EPHA6: variants seen among roughly 807,000 people sequenced by gnomAD.
EPHA6 encodes EPH receptor A6.
Under a neutral mutation model 112.0 loss-of-function variants are expected in EPHA6, and 50 were observed. The observed-to-expected ratio is 0.45, with a 90% CI of 0.36 to 0.56. The LOEUF (loss-of-function observed/expected upper bound fraction) is 0.56. Ranked by LOEUF, EPHA6 falls within the 20% of genes least tolerant of loss-of-function variation. The pLI is 0.00. For synonymous variants in EPHA6, 529 were observed against 490.7 expected (o/e 1.08, Z -1.03); for missense variants, 1,280 against 1,417.4 (o/e 0.90, Z 1.56).
At chr3:97,343,204 A>G (rs1033861057) in intron 5 of EPHA6, among the ~76,000 whole-genome samples, 3 of 152,216 alleles carry the variant, frequency 2.0e-5, no homozygotes, top group African/African-American at 7.2e-5. Context: ...ATTCTGATGA[A>G]GTCTCAAACA....
intron 5 of EPHA6, among the ~76,000 whole-genome samples, chr3:97,263,436 T>TACACACACACACACAC (rs34479594): frequency 7.0e-5 from 10 of 142,302 alleles, no homozygotes; most frequent in East Asian, 4.1e-4. Flanking sequence ...ATTAAAGGGA[T>TACACACACACACACAC]ACACACACAC....
At chr3:96,840,327 T>A (rs1169237764) in intron 1 of EPHA6, among the ~76,000 whole-genome samples, 1 of 152,130 alleles carries the variant, frequency 6.6e-6, no homozygotes, top group African/African-American at 2.4e-5. Flanking sequence ...CTGTTATTTA[T>A]CTGTAATCTT....
chr3:97,465,228 T>TA (rs1202708919), intron 7 of EPHA6, among the ~76,000 whole-genome samples: 2 of 152,122 alleles, frequency 1.3e-5, no homozygotes, highest in African/African-American at 4.8e-5. Flanking sequence ...CTTCATTTTT[T>TA]ACTTAACTCA....
rs561261795 is a variant in EPHA6 at position 96,931,707 on chromosome 3, TCAGA to T, written c.451-55619_451-55616del. Among the ~76,000 whole-genome samples, 13 of 152,326 alleles carry T rather than the reference TCAGA, an allele frequency of 8.5e-5. No individual in the cohort carries two copies. In the East Asian group the frequency reaches 2.5e-3, roughly 30 times the overall value. ...TTTCCCCTGGGAGCTCCTTCCCCTC[TCAGA>T]CAGGCTCCACCCTGTCGCCATTGGC... On this transcript the variant is annotated intron_variant, in intron 2 of 17. Coordinates refer to ENST00000389672, the MANE Select transcript of EPHA6 (RefSeq NM_001080448.3).
At chr3:96,962,116 TAC>T (rs1030108976) in intron 2 of EPHA6, among the ~76,000 whole-genome samples, 6 of 151,490 alleles carry the variant, frequency 4.0e-5, no homozygotes, top group African/African-American at 1.5e-4. Context: ...ACCTGATGTG[TAC>T]ACAGACAGAG....
chr3:97,273,542 C>T (rs961965506), intron 5 of EPHA6, among the ~76,000 whole-genome samples: 3 of 152,126 alleles, frequency 2.0e-5, no homozygotes, highest in African/African-American at 4.8e-5. Context: ...ATTCCGAGGA[C>T]GGGCCTGAAT....
Position 96,968,105 on chromosome 3 carries a change from G to A in EPHA6, c.451-19225G>A, listed in dbSNP as rs1211209046. Among the ~76,000 whole-genome samples the A allele has an allele frequency of 3.3e-5, 5 of 151,300 alleles. No individual in the cohort carries two copies. In the South Asian group the frequency reaches 1.0e-3, roughly 31 times the overall value. On this transcript the variant is annotated intron_variant, in intron 2 of 17. Transcript: ENST00000389672. ...ATGTAGTTTTTCTATTTTATCGGGT[G>A]TATATAATTATTTATTTTCTATTAA...
At chr3:97,326,241 A>T (rs1374975844) in intron 5 of EPHA6, among the ~76,000 whole-genome samples, 2 of 152,006 alleles carry the variant, frequency 1.3e-5, no homozygotes, top group Non-Finnish European at 1.5e-5. Flanking sequence ...AATCCCCTTA[A>T]TAATATCAGT....
At chr3:97,047,377 G>A (rs1304909887) in intron 3 of EPHA6, among the ~76,000 whole-genome samples, 1 of 151,624 alleles carries the variant, frequency 6.6e-6, no homozygotes, top group Non-Finnish European at 1.5e-5. Flanking sequence ...GTGGGCACCT[G>A]TGGTCCCACC....
At chr3:97,707,569 G>T (rs1311265559) in intron 14 of EPHA6, among the ~76,000 whole-genome samples, 3 of 152,218 alleles carry the variant, frequency 2.0e-5, no homozygotes, top group East Asian at 1.9e-4. Context: ...AAGAATAAAG[G>T]TTTGTATAAA....
At chr3:97,746,524 A>AGG (rs2035721861) in intron 16 of EPHA6, among the ~76,000 whole-genome samples, 1 of 151,814 alleles carries the variant, frequency 6.6e-6, no homozygotes, top group Non-Finnish European at 1.5e-5. Context: ...AGAATTTATA[A>AGG]GATTAATTCT....
rs573810787 is a variant in EPHA6 at position 97,390,181 on chromosome 3, T to C, written c.1607-14969T>C. On this transcript the variant is annotated intron_variant, in intron 5 of 17. Coordinates refer to ENST00000389672, the MANE Select transcript of EPHA6 (RefSeq NM_001080448.3). ...CAAAGACTACGTCCATTAAGGAAGA[T>C]TCAAGATTTATTTCTATGGGCTTGA... Among the ~76,000 whole-genome samples, 8 of 152,246 alleles carry C rather than the reference T, an allele frequency of 5.3e-5. No homozygotes were observed. In the South Asian group the frequency reaches 1.7e-3, roughly 32 times the overall value.
At chr3:97,612,038 T>TACACTGCAC (rs758417651) in intron 13 of EPHA6, among the ~76,000 whole-genome samples, 7 of 152,054 alleles carry the variant, frequency 4.6e-5, no homozygotes, top group Non-Finnish European at 7.4e-5. Context: ...GTGCAGTGTA[T>TACACTGCAC]ACTCTCAACC....
chr3:97,733,818 T>C (rs1402220326), intron 15 of EPHA6, among the ~76,000 whole-genome samples: 1 of 152,020 alleles, frequency 6.6e-6, no homozygotes, highest in Non-Finnish European at 1.5e-5. Context: ...AGTAAAAACA[T>C]TGAAGTCCAA....
intron 3 of EPHA6, among the ~76,000 whole-genome samples, chr3:97,141,179 G>T (rs2108352224): frequency 6.6e-6 from 1 of 152,162 alleles, no homozygotes; most frequent in East Asian, 1.9e-4. Context: ...GGAGCACACA[G>T]ATTTATAAAA....
intron 6 of EPHA6, among the ~76,000 whole-genome samples, chr3:97,436,639 T>A (rs1030421618): frequency 9.9e-5 from 15 of 152,186 alleles, no homozygotes; most frequent in Admixed American, 4.6e-4. Flanking sequence ...ATACTGTTTT[T>A]CAGTGAAGAC....
intron 3 of EPHA6, among the ~76,000 whole-genome samples, chr3:97,154,330 T>G (rs970455303): frequency 2.0e-5 from 3 of 152,204 alleles, no homozygotes; most frequent in Non-Finnish European, 2.9e-5. Context: ...TATGTACCCT[T>G]TAAAATTTGT....
intron 1 of EPHA6, among the ~76,000 whole-genome samples, chr3:96,817,962 ACCT>A (rs922307505): frequency 6.6e-6 from 1 of 151,764 alleles, no homozygotes; most frequent in African/African-American, 2.4e-5. Flanking sequence ...TATGAACCAA[ACCT>A]CCTTGAATCG....
chr3:97,666,911 G>T (rs570053867), intron 14 of EPHA6, among the ~76,000 whole-genome samples: 1 of 152,272 alleles, frequency 6.6e-6, no homozygotes, highest in East Asian at 1.9e-4. Flanking sequence ...CTGAAGAACT[G>T]TCATTTCTCT....
Sources: allele counts gnomAD v4.1 joint callset (sites outside exome capture counted in the v4.1 genomes callset), GRCh38; gene constraint gnomAD v4.1.1; transcripts MANE v1.5; gene names NCBI Gene and HGNC (gene_info 2026-07-23, HGNC 2026-07-21).